Variants in BPIFB1 observed in about 807,000 individuals in gnomAD.
BPIFB1 encodes the protein BPI fold-containing family B member 1.
In BPIFB1, 34 loss-of-function variants were observed where a neutral mutation model predicts 55.1. That is an observed-to-expected ratio of 0.62 (90% CI 0.47 to 0.82). BPIFB1 has a LOEUF of 0.82. Among genes scored for constraint, BPIFB1 ranks in the 40% least tolerant of loss-of-function variants. BPIFB1 has a pLI of 0.00. For missense variants in BPIFB1, 532 were observed against 593.1 expected (o/e 0.90, Z 1.07); for synonymous variants, 236 against 245.3 (o/e 0.96, Z 0.35).
At chr20:33,301,668 T>C (rs1412389168) in intron 9 of BPIFB1, among the ~76,000 whole-genome samples, 1 of 152,172 alleles carries the variant, frequency 6.6e-6, no homozygotes, top group African/African-American at 2.4e-5. Context: ...TCTCGTGAAA[T>C]CAAAAGGCAT....
chr20:33,305,948 G>T, intron 13 of BPIFB1, 54 bp from the exon 14 acceptor site: 2 of 1,590,494 alleles, frequency 1.3e-6, no homozygotes, highest in Non-Finnish European at 1.7e-6. Flanking sequence ...AGAATGATGG[G>T]GGGGAACTTC....
Position 33,288,776 on chromosome 20 carries a change from A to G in BPIFB1, c.151A>G (p.Ser51Gly). The change falls in exon 3 of 16, where the codon AGC becomes GGC. Residue 51 changes from serine (S) to glycine (G), a missense_variant. By Grantham distance (56) the Ser-to-Gly change is moderately conservative (BLOSUM62 0). Coordinates refer to ENST00000253354, the MANE Select transcript of BPIFB1 (RefSeq NM_033197.3). ...TQELKDHNAT[S>G]ILQQLPLLSA... ...GGAGCTGAAGGACCACAACGCCACC[A>G]GCATCCTGCAGCAGCTGCCGCTGCT... 1.2e-6 allele frequency: 2 copies of G among 1,613,976 alleles called. No homozygotes were observed.
chr20:33,295,929 A>G (rs951883857), intron 6 of BPIFB1, among the ~76,000 whole-genome samples: 3 of 137,464 alleles, frequency 2.2e-5, no homozygotes, highest in African/African-American at 8.0e-5. Context: ...AAAGGGAAGG[A>G]AGGAAGGACG....
Position 33,301,372 on chromosome 20 carries a change from T to A in BPIFB1, c.887T>A (p.Val296Glu). 6.2e-7 allele frequency: 1 copy of A among 1,614,166 alleles called. No homozygotes were observed. Among genetic ancestry groups the A allele is most frequent in the Non-Finnish European group, 8.5e-7 (1 of 1,180,038 alleles). ...GTGGTGAAAGCTGCAGTGGCTGCTGTGCTCTCTCCAGAAGAATTCATGGTC... is the reference window on the plus strand; with the variant it reads ...GTGGTGAAAGCTGCAGTGGCTGCTGAGCTCTCTCCAGAAGAATTCATGGTC... ...QDVVKAAVAA[V>E]LSPEEFMVLL... The change falls in exon 9 of 16, where the codon GTG (valine) becomes GAG (glutamate). Residue 296 changes from valine (V) to glutamate (E), a missense_variant. Val to Glu is a moderately radical substitution (Grantham distance 121, BLOSUM62 -2). Transcript: ENST00000253354.
In BPIFB1 at chr20:33,309,542, C is replaced by T. The variant is rs142343176; in HGVS notation, c.1396-166C>T. 1.4e-3 allele frequency among the ~76,000 whole-genome samples: 218 copies of T among 152,310 alleles called. 1 individual carries two copies. The highest frequency in any genetic ancestry group is 4.9e-3 in the African/African-American group (204 of 41,568). ...CAGGACCTGGTGTGGCATTAATGTT[C>T]ACACACAGACCCTCCACCCCGACCC... On this transcript the variant is annotated intron_variant, in intron 15 of 15. Coordinates refer to ENST00000253354, the MANE Select transcript of BPIFB1 (RefSeq NM_033197.3). The surrounding 1 kb of genome is among the most constrained non-coding windows in gnomAD (Gnocchi z 4.4).
At chr20:33,301,585 C>A (rs186243215) in intron 9 of BPIFB1, among the ~76,000 whole-genome samples, 173 bp downstream of exon 9, 1 of 152,224 alleles carries the variant, frequency 6.6e-6, no homozygotes, top group Non-Finnish European at 1.5e-5. Flanking sequence ...AAAATCCTCC[C>A]GGTAACATCC....
chr20:33,303,165 C>T, intron 11 of BPIFB1, 91 bp downstream of exon 11: 1 of 1,500,618 alleles, frequency 6.7e-7, no homozygotes, highest in South Asian at 1.2e-5. Context: ...TAAACATTTC[C>T]ACCACTCTCA....
intron 12 of BPIFB1, among the ~76,000 whole-genome samples, 165 bp from the exon 13 acceptor site, chr20:33,304,681 C>T (rs1339274163): frequency 6.6e-6 from 1 of 152,084 alleles, no homozygotes; most frequent in Non-Finnish European, 1.5e-5. Context: ...CCACCCCACC[C>T]CTGCCATTAG....
intron 5 of BPIFB1, 55 bp from the exon 6 acceptor site, chr20:33,291,852 A>G (rs1980482581): frequency 1.3e-6 from 2 of 1,494,434 alleles, no homozygotes; most frequent in South Asian, 2.3e-5. Flanking sequence ...AAATAGAGGA[A>G]GGGGTGATCA....
At chr20:33,308,131 G>A (rs984985258) in intron 15 of BPIFB1, among the ~76,000 whole-genome samples, 7 of 152,002 alleles carry the variant, frequency 4.6e-5, no homozygotes, top group Non-Finnish European at 8.8e-5. Context: ...GGGGTGGGAG[G>A]TGCTACACAC....
intron 7 of BPIFB1, among the ~76,000 whole-genome samples, chr20:33,299,446 T>C (rs918173864): frequency 6.6e-6 from 1 of 152,220 alleles, no homozygotes; most frequent in African/African-American, 2.4e-5. Flanking sequence ...TCATAGGGTG[T>C]CCAGACCCAG....
intron 5 of BPIFB1, 42 bp from the exon 6 acceptor site, chr20:33,291,865 T>C (rs1343679637): frequency 6.4e-7 from 1 of 1,555,942 alleles, no homozygotes; most frequent in Non-Finnish European, 8.9e-7. Context: ...GGTGATCATC[T>C]CTGACCCTTC....
In BPIFB1 at chr20:33,289,979, G is replaced by C. The variant is rs1980406375; in HGVS notation, c.352G>C (p.Ala118Pro). 6.2e-7 allele frequency: 1 copy of C among 1,613,986 alleles called. No individual in the cohort carries two copies. The highest frequency in any genetic ancestry group is 1.7e-5 in the Admixed American group (1 of 60,000). The stretch of plus-strand genomic sequence containing the variant: ...AGTCAAGATCCCCCTGGACATGGTG[G>C]CTGGATTCAACACGTGAGTGACCCC... ...LLVKIPLDMV[A>P]GFNTPLVKTI... Residue 118 changes from alanine to proline, a missense_variant, in exon 4 of 16, where the codon GCT (alanine) becomes CCT (proline). Ala to Pro is a conservative substitution (Grantham distance 27, BLOSUM62 -1). Transcript: ENST00000253354.
chr20:33,290,383 A>C (rs950460756), intron 4 of BPIFB1, among the ~76,000 whole-genome samples: 1 of 152,188 alleles, frequency 6.6e-6, no homozygotes, highest in Non-Finnish European at 1.5e-5. Context: ...GTAAGAGTGG[A>C]GACAGGAAGG....
At chr20:33,291,235 T>C (rs1237370016) in intron 5 of BPIFB1, 129 bp downstream of exon 5, 3 of 1,212,448 alleles carry the variant, frequency 2.5e-6, no homozygotes, top group African/African-American at 1.5e-5. Context: ...CCCCTCCTGA[T>C]TCCTGATCTG....
chr20:33,297,554 T>C lies in BPIFB1; in HGVS notation c.627T>C (p.Asn209=). The C allele has an allele frequency of 6.2e-7, 1 of 1,614,224 alleles. No individual in the cohort carries two copies. The highest frequency in any genetic ancestry group is 2.2e-5 in the East Asian group (1 of 44,890). The change falls in exon 7 of 16, where the codon AAT becomes AAC. Residue 209 remains asparagine, a synonymous_variant. Transcript: ENST00000253354. ...GTCCCGTGATCGAGGCTTCCTTCAA[T>C]GGCATGTATGCAGACCTCCTGCAGC... ...QLCPVIEASF[N]GMYADLLQLV... is the part of the protein sequence containing the mutation.
rs575500735 is a variant in BPIFB1 at position 33,287,043 on chromosome 20, C to T, written c.115+855C>T. Reference sequence around the variant, plus strand: ...AGGGGCAGGGGCAGGTCCTGTGGGACCAACAGGCTCTGTAGCCAGCGGATG... The same window carrying T: ...AGGGGCAGGGGCAGGTCCTGTGGGATCAACAGGCTCTGTAGCCAGCGGATG... On this transcript the variant is annotated intron_variant, in intron 2 of 15. Transcript: ENST00000253354. Among the ~76,000 whole-genome samples the T allele has an allele frequency of 6.6e-5, 10 of 152,272 alleles. No individual in the cohort carries two copies. The East Asian group carries it at 1.9e-3, about 29-fold the overall frequency.
chr20:33,299,332 C>G (rs1218025704), intron 7 of BPIFB1: 6 of 377,916 alleles, frequency 1.6e-5, no homozygotes, highest in Non-Finnish European at 3.2e-5. Context: ...AATTCTGACG[C>G]GAACACGAGA....
At chr20:33,284,082 G>A (rs1011486350) in intron 1 of BPIFB1, among the ~76,000 whole-genome samples, 7 of 152,176 alleles carry the variant, frequency 4.6e-5, no homozygotes, top group African/African-American at 1.4e-4. Flanking sequence ...CATAATTATC[G>A]TGGAAGCTAC....
Sources: allele counts gnomAD v4.1 joint callset (sites outside exome capture counted in the v4.1 genomes callset), GRCh38; gene constraint gnomAD v4.1.1; non-coding constraint Gnocchi (gnomAD v3.1); transcripts MANE v1.5; gene names NCBI Gene and HGNC (gene_info 2026-07-23, HGNC 2026-07-21).